SLC25A16: variants seen among roughly 807,000 people sequenced by gnomAD.
SLC25A16 encodes the protein solute carrier family 25 member 16.
Under a neutral mutation model 41.5 loss-of-function variants are expected in SLC25A16, and 39 were observed. The observed-to-expected ratio is 0.94, with a 90% CI of 0.73 to 1.23. The LOEUF is 1.23. Among genes scored for constraint, SLC25A16 ranks in the 50% most tolerant of loss-of-function variants. The pLI, the probability that SLC25A16 is intolerant of heterozygous loss-of-function variation, is 0.00. For synonymous variants in SLC25A16, 146 were observed against 147.8 expected (o/e 0.99, Z 0.09); for missense variants, 421 against 426.9 (o/e 0.99, Z 0.12).
At chr10:68,499,674 C>A in intron 4 of SLC25A16, 1 of 359,364 alleles carries the variant, frequency 2.8e-6, no homozygotes. Context: ...TGATCCATGC[C>A]CATCCGAAAG....
In SLC25A16 at chr10:68,482,849, TTTTGTG is replaced by T. The variant is rs2052500361; in HGVS notation, c.*577_*582del. On this transcript the variant is annotated 3_prime_UTR_variant, in exon 9 of 9. Coordinates refer to ENST00000609923, the MANE Select transcript of SLC25A16 (RefSeq NM_152707.4). ...CACCATGTCCAGCTTCTTCATTTATTTTTGTGTCTCTACATGGCTACCTTTTAAATA... is the reference window on the plus strand; with the variant it reads ...CACCATGTCCAGCTTCTTCATTTATTTCTCTACATGGCTACCTTTTAAATA... The T allele has an allele frequency of 6.6e-6, 1 of 152,212 alleles. No individual in the cohort carries two copies. Among genetic ancestry groups the T allele is most frequent in the Admixed American group, 6.6e-5 (1 of 15,252 alleles). 9.4% of individuals were successfully genotyped at this position (152,212 alleles called of 1,614,324 possible). A position where few individuals can be genotyped will look rare whatever the true frequency, so the allele number is the denominator to read the frequency against.
At chr10:68,508,403 TAAAAA>T (rs59336332) in intron 2 of SLC25A16, among the ~76,000 whole-genome samples, 6 of 126,132 alleles carry the variant, frequency 4.8e-5, no homozygotes, top group East Asian at 2.4e-4. Context: ...CAGGAAGCTT[TAAAAA>T]AAAAAAAAAA....
chr10:68,517,187 TG>T (rs2053174335), intron 1 of SLC25A16: 1 of 1,005,644 alleles, frequency 9.9e-7, no homozygotes, highest in Non-Finnish European at 1.2e-6. Flanking sequence ...CCTCTTCTTC[TG>T]GAACATTTTT....
intron 1 of SLC25A16, among the ~76,000 whole-genome samples, chr10:68,518,769 G>A (rs1284145339): frequency 6.7e-6 from 1 of 149,826 alleles, no homozygotes; most frequent in Non-Finnish European, 1.5e-5. Context: ...GCAGGTCTCG[G>A]TCTCAAAAAA....
chr10:68,485,310 T>C (rs2052540641), intron 8 of SLC25A16, among the ~76,000 whole-genome samples: 1 of 152,208 alleles, frequency 6.6e-6, no homozygotes, highest in Non-Finnish European at 1.5e-5. Context: ...CAGGATGGTC[T>C]TGATCTCCTG....
chr10:68,483,917 G>T (rs2052518256), intron 8 of SLC25A16, among the ~76,000 whole-genome samples: 1 of 152,128 alleles, frequency 6.6e-6, no homozygotes, highest in Non-Finnish European at 1.5e-5. Context: ...ACCCACCTTG[G>T]CCTCCCAAAG....
intron 8 of SLC25A16, among the ~76,000 whole-genome samples, chr10:68,484,121 T>C (rs116160363): frequency 1.9e-3 from 289 of 152,310 alleles, no homozygotes; most frequent in African/African-American, 6.7e-3. Flanking sequence ...TAGTACAACA[T>C]ATTTTGTTTG....
intron 2 of SLC25A16, among the ~76,000 whole-genome samples, chr10:68,507,901 C>A (rs1205947858): frequency 6.6e-6 from 1 of 152,032 alleles, no homozygotes; most frequent in Non-Finnish European, 1.5e-5. Context: ...AAGATATATC[C>A]CAAAAGCAGA....
chr10:68,507,509 T>C (rs768572947), intron 2 of SLC25A16, among the ~76,000 whole-genome samples: 3 of 152,118 alleles, frequency 2.0e-5, no homozygotes, highest in Non-Finnish European at 4.4e-5. Flanking sequence ...TAATACTCTT[T>C]AAGTGTGGGG....
intron 6 of SLC25A16, 53 bp downstream of exon 6, chr10:68,493,079 A>G: frequency 6.0e-6 from 6 of 994,822 alleles, no homozygotes; most frequent in East Asian, 2.4e-5. Flanking sequence ...AAAAAAAAAA[A>G]GGTAACAAAT....
At chr10:68,483,984 A>G (rs1352581472) in intron 8 of SLC25A16, among the ~76,000 whole-genome samples, 2 of 152,150 alleles carry the variant, frequency 1.3e-5, no homozygotes, top group Non-Finnish European at 2.9e-5. Context: ...ATTTTTAAAG[A>G]AGGTTAAATG....
chr10:68,504,918 G>A (rs1205526729), intron 3 of SLC25A16, among the ~76,000 whole-genome samples: 1 of 152,098 alleles, frequency 6.6e-6, no homozygotes, highest in East Asian at 1.9e-4. Context: ...GACCTCAGCT[G>A]ATACTCCCAC....
At chr10:68,485,697 CAG>C (rs1359075196) in intron 8 of SLC25A16, among the ~76,000 whole-genome samples, 4 of 151,796 alleles carry the variant, frequency 2.6e-5, no homozygotes, top group African/African-American at 4.8e-5. Context: ...TTGTTTTTTT[CAG>C]AGTCTCACTC....
intron 4 of SLC25A16, among the ~76,000 whole-genome samples, chr10:68,500,320 C>T (rs892190876): frequency 6.6e-6 from 1 of 152,042 alleles, no homozygotes; most frequent in East Asian, 1.9e-4. Context: ...ATTACTTAAA[C>T]ATATTTATAC....
intron 1 of SLC25A16, among the ~76,000 whole-genome samples, chr10:68,525,222 CCA>C (rs979434123): frequency 2.0e-5 from 3 of 152,020 alleles, no homozygotes; most frequent in African/African-American, 4.8e-5. Context: ...ACTGCAACCT[CCA>C]CAGTGATTTA....
At chr10:68,523,828 G>A (rs1418413722) in intron 1 of SLC25A16, among the ~76,000 whole-genome samples, 1 of 152,140 alleles carries the variant, frequency 6.6e-6, no homozygotes, top group African/African-American at 2.4e-5. Flanking sequence ...GCCTGGATTG[G>A]TGGCTTATGC....
At chr10:68,522,346 T>G (rs1176950684) in intron 1 of SLC25A16, among the ~76,000 whole-genome samples, 1 of 152,064 alleles carries the variant, frequency 6.6e-6, no homozygotes, top group African/African-American at 2.4e-5. Context: ...GATCAGTGGT[T>G]GACAAGGGTT....
rs1439466095 is a variant in SLC25A16, at chr10:68,481,527, TG to T, written c.*1904del. On this transcript the variant is annotated 3_prime_UTR_variant, in exon 9 of 9. Transcript: ENST00000609923. ...GTTGCCCAGGCTGGTCTCGAACTCC[TG>T]GGGTCAAGATATCCTCCCGCCTCAG... 3 of 151,944 alleles carry T rather than the reference TG, an allele frequency of 2.0e-5. No homozygotes were observed. The highest frequency in any genetic ancestry group is 4.4e-5 in the Non-Finnish European group (3 of 67,976). 9.4% of individuals were successfully genotyped at this position (151,944 alleles called of 1,614,324 possible).
chr10:68,503,323 T>A (rs1212789873), intron 4 of SLC25A16: 2 of 213,456 alleles, frequency 9.4e-6, no homozygotes, highest in Non-Finnish European at 1.8e-5. Context: ...ATGCAAGCTT[T>A]TCACATAGTT....
Sources: allele counts gnomAD v4.1 joint callset (sites outside exome capture counted in the v4.1 genomes callset), GRCh38; gene constraint gnomAD v4.1.1; transcripts MANE v1.5; gene names NCBI Gene and HGNC (gene_info 2026-07-23, HGNC 2026-07-21).